The following SLC4A4 variants were observed in gnomAD, a reference collection of about 807,000 sequenced individuals.
The protein encoded by SLC4A4 is solute carrier family 4 member 4.
Under a neutral mutation model 111.5 loss-of-function variants are expected in SLC4A4, and 27 were observed. The observed-to-expected ratio is 0.24, with a 90% confidence interval of 0.18 to 0.33. The LOEUF (loss-of-function observed/expected upper bound fraction) is 0.33. SLC4A4 is among the 10% of genes least tolerant of loss of function. SLC4A4 has a pLI of 1.00. For synonymous variants in SLC4A4, 443 were observed against 463.4 expected (o/e 0.96, Z 0.57); for missense variants, 909 against 1,315.5 (o/e 0.69, Z 4.78).
chr4:71,321,590 G>A (rs1727124821), intron 3 of SLC4A4, among the ~76,000 whole-genome samples: 1 of 152,076 alleles, frequency 6.6e-6, no homozygotes, highest in Admixed American at 6.6e-5. Context: ...TCTGGAGGGT[G>A]AGAAATCCAC....
intron 7 of SLC4A4, among the ~76,000 whole-genome samples, chr4:71,420,359 A>C (rs898208237): frequency 2.0e-5 from 3 of 152,236 alleles, no homozygotes; most frequent in Admixed American, 1.3e-4. Flanking sequence ...TCTATCTCTG[A>C]TTGGTGTACC....
At chr4:71,283,202 G>A (rs1006768395) in intron 3 of SLC4A4, among the ~76,000 whole-genome samples, 4 of 152,094 alleles carry the variant, frequency 2.6e-5, no homozygotes, top group Admixed American at 6.5e-5. Flanking sequence ...CCTTCATTCC[G>A]CTATCTCCCT....
At chr4:71,108,650 G>A (rs929659141) in intron 2 of SLC4A4, among the ~76,000 whole-genome samples, 1 of 152,096 alleles carries the variant, frequency 6.6e-6, no homozygotes, top group African/African-American at 2.4e-5. Context: ...GGAGTTTGTT[G>A]AGCTTCTTGG....
At chr4:71,325,195 A>C (rs1025497636) in intron 3 of SLC4A4, among the ~76,000 whole-genome samples, 1 of 152,014 alleles carries the variant, frequency 6.6e-6, no homozygotes, top group South Asian at 2.1e-4. Flanking sequence ...TAAGGCATGA[A>C]GAAAATCTAG....
At chr4:71,464,155 T>C (rs1463405038) in intron 12 of SLC4A4, among the ~76,000 whole-genome samples, 1 of 152,168 alleles carries the variant, frequency 6.6e-6, no homozygotes, top group Non-Finnish European at 1.5e-5. Context: ...GAAAGCCCAC[T>C]GTCTATGCAC....
At chr4:71,099,686 G>C (rs1742660215) in intron 2 of SLC4A4, among the ~76,000 whole-genome samples, 1 of 152,032 alleles carries the variant, frequency 6.6e-6, no homozygotes, top group Non-Finnish European at 1.5e-5. Context: ...GAGATTGATA[G>C]GCTATTAGCT....
intron 3 of SLC4A4, among the ~76,000 whole-genome samples, chr4:71,261,348 TAG>T (rs1467590634): frequency 6.6e-6 from 1 of 152,244 alleles, no homozygotes; most frequent in African/African-American, 2.4e-5. Context: ...TGAAATCAAA[TAG>T]ACTGTTCTGT....
chr4:71,169,149 ACAGG>A (rs1183064426), intron 2 of SLC4A4, among the ~76,000 whole-genome samples: 2 of 150,722 alleles, frequency 1.3e-5, no homozygotes, highest in African/African-American at 4.9e-5. Context: ...AGCTGGGATT[ACAGG>A]CATGTGCCAC....
At chr4:71,265,019 A>G (rs1722134938) in intron 3 of SLC4A4, among the ~76,000 whole-genome samples, 1 of 152,224 alleles carries the variant, frequency 6.6e-6, no homozygotes, top group Non-Finnish European at 1.5e-5. Context: ...GAAGGTTTAT[A>G]GATTTTTTGC....
intron 2 of SLC4A4, among the ~76,000 whole-genome samples, chr4:71,124,061 G>A (rs1010999848): frequency 6.6e-6 from 1 of 151,996 alleles, no homozygotes; most frequent in Admixed American, 6.6e-5. Context: ...TATTTGGGTG[G>A]TTGTGGCACT....
intron 2 of SLC4A4, among the ~76,000 whole-genome samples, chr4:71,248,181 A>C (rs891390168): frequency 2.0e-5 from 3 of 152,026 alleles, no homozygotes; most frequent in African/African-American, 7.2e-5. Flanking sequence ...GAGAACAAAG[A>C]GTGTTCACAA....
At chr4:71,148,119 C>A (rs1744227872) in intron 2 of SLC4A4, among the ~76,000 whole-genome samples, 1 of 152,210 alleles carries the variant, frequency 6.6e-6, no homozygotes, top group Admixed American at 6.5e-5. Flanking sequence ...GACCCCACTA[C>A]TGACTTATGT....
At chr4:71,187,745 G>T (rs1212276774) in intron 1 of SLC4A4, among the ~76,000 whole-genome samples, 1 of 152,204 alleles carries the variant, frequency 6.6e-6, no homozygotes, top group Non-Finnish European at 1.5e-5. Flanking sequence ...CTCGGGCTCA[G>T]TGACACGTGT....
intron 18 of SLC4A4, among the ~76,000 whole-genome samples, chr4:71,539,100 C>G (rs960590588): frequency 2.0e-5 from 3 of 151,936 alleles, no homozygotes; most frequent in African/African-American, 4.8e-5. Context: ...ATGGGAAAAC[C>G]CTTAATTTGA....
intron 12 of SLC4A4, among the ~76,000 whole-genome samples, chr4:71,454,534 A>G (rs1467670305): frequency 1.3e-5 from 2 of 152,008 alleles, no homozygotes; most frequent in Non-Finnish European, 2.9e-5. Context: ...TTCATAAGTG[A>G]TGCCAGCCAG....
chr4:71,257,012 AATTATATATC>A (rs1302919872), intron 3 of SLC4A4, among the ~76,000 whole-genome samples: 3 of 152,196 alleles, frequency 2.0e-5, no homozygotes, highest in Non-Finnish European at 4.4e-5. Flanking sequence ...TTGAGATTAA[AATTATATATC>A]AGCTTTTGAG....
intron 7 of SLC4A4, among the ~76,000 whole-genome samples, chr4:71,430,905 G>A (rs983276350): frequency 1.3e-5 from 2 of 152,116 alleles, no homozygotes; most frequent in African/African-American, 2.4e-5. Context: ...CTCTTGTCAG[G>A]GGAGGAGTTT....
chr4:71,487,289 A>G (rs527800967), intron 15 of SLC4A4, among the ~76,000 whole-genome samples: 1 of 151,744 alleles, frequency 6.6e-6, no homozygotes, highest in East Asian at 2.0e-4. Context: ...TAACTGCCAC[A>G]TTGCATTAAT....
intron 7 of SLC4A4, among the ~76,000 whole-genome samples, chr4:71,415,051 A>G (rs766640218): frequency 6.6e-5 from 10 of 152,208 alleles, no homozygotes; most frequent in Non-Finnish European, 7.3e-5. Flanking sequence ...GCACTGAACC[A>G]CCCATGCTCA....
Sources: gnomAD v4.1 joint callset for allele counts (sites outside exome capture counted in the v4.1 genomes callset) on GRCh38, gnomAD v4.1.1 for gene constraint, MANE v1.5 for transcripts, NCBI Gene and HGNC (gene_info 2026-07-23, HGNC 2026-07-21) for gene names.